COL19A1: variants seen among roughly 807,000 people sequenced by gnomAD.
COL19A1 encodes the protein collagen alpha-1(XIX) chain.
Under a neutral mutation model 190.2 loss-of-function variants are expected in COL19A1, and 159 were observed. The ratio of observed to expected loss-of-function variants is 0.84; its 90% CI spans 0.73 to 0.95. COL19A1 has a LOEUF of 0.95. Among genes scored for constraint, COL19A1 ranks in the 40% least tolerant of loss-of-function variants. COL19A1 has a pLI of 0.00. For missense variants in COL19A1, 1,418 were observed against 1,431.9 expected, an observed-to-expected ratio of 0.99 and a Z score of 0.16; for synonymous variants, 509 against 458.9, an observed-to-expected ratio of 1.11 and a Z score of -1.39.
At chr6:69,961,237 G>A (rs1189752916) in intron 10 of COL19A1, among the ~76,000 whole-genome samples, 1 of 152,108 alleles carries the variant, frequency 6.6e-6, no homozygotes, top group South Asian at 2.1e-4. Context: ...CTTTTAAAAA[G>A]ATATGCACTT....
intron 15 of COL19A1, among the ~76,000 whole-genome samples, chr6:70,097,242 T>G (rs940236302): frequency 6.6e-6 from 1 of 152,182 alleles, no homozygotes; most frequent in Non-Finnish European, 1.5e-5. Flanking sequence ...AAGCTATTTT[T>G]TATTGAGACA....
chr6:70,172,470 G>A (rs1230104170), intron 41 of COL19A1, among the ~76,000 whole-genome samples: 1 of 152,130 alleles, frequency 6.6e-6, no homozygotes. Context: ...GATGAGGTCA[G>A]AGAGGTGGGG....
At chr6:70,104,506 A>G (rs886628510) in intron 16 of COL19A1, among the ~76,000 whole-genome samples, 11 of 152,088 alleles carry the variant, frequency 7.2e-5, no homozygotes, top group Non-Finnish European at 1.0e-4. Context: ...TCTTGACCCA[A>G]TCACCTCCCA....
Position 69,961,171 on chromosome 6 carries a change from C to A in COL19A1, c.981+1131C>A, listed in dbSNP as rs116301476. On this transcript the variant is annotated intron_variant, in intron 10 of 50. Transcript: ENST00000620364. ...TCTGGAGATGTTTTACTGGTTTTGG[C>A]AACAACATGTCAGAAGTTACTATGC... is the stretch of plus-strand genomic sequence containing the variant. 2.6e-3 allele frequency among the ~76,000 whole-genome samples: 392 copies of A among 152,256 alleles called. 5 individuals are homozygous for A. Among genetic ancestry groups the A allele is most frequent in the African/African-American group, 8.8e-3 (367 of 41,542 alleles).
Position 69,962,808 on chromosome 6 carries a change from C to G in COL19A1, c.982-18C>G. 6.3e-7 allele frequency: 1 copy of G among 1,582,036 alleles called. No homozygotes were observed. Among genetic ancestry groups the G allele is most frequent in the Non-Finnish European group, 8.6e-7 (1 of 1,157,656 alleles). Reference sequence around the variant, plus strand: ...GTATCATTTTTATTACTATACACATCATATTCCTCTTCTACAGGGAGAGCA... The same window carrying G: ...GTATCATTTTTATTACTATACACATGATATTCCTCTTCTACAGGGAGAGCA... On this transcript the variant is annotated intron_variant, in intron 10 of 50. Transcript: ENST00000620364.
intron 2 of COL19A1, among the ~76,000 whole-genome samples, chr6:69,896,464 G>A (rs1014810916): frequency 6.7e-6 from 1 of 150,336 alleles, no homozygotes; most frequent in African/African-American, 2.5e-5. Context: ...GTGAACCCGG[G>A]AGGCGGAGCT....
intron 34 of COL19A1, among the ~76,000 whole-genome samples, chr6:70,157,727 T>C (rs1787528570): frequency 6.6e-6 from 1 of 152,148 alleles, no homozygotes; most frequent in Admixed American, 6.6e-5. Context: ...GTGCTTTTGC[T>C]TCCTCATGTT....
At chr6:69,958,007 C>T (rs1774531166) in intron 9 of COL19A1, among the ~76,000 whole-genome samples, 1 of 152,122 alleles carries the variant, frequency 6.6e-6, no homozygotes, top group African/African-American at 2.4e-5. Context: ...ATGCTGGCCA[C>T]AGGAAAACAC....
intron 4 of COL19A1, among the ~76,000 whole-genome samples, chr6:69,918,577 G>A (rs769570235): frequency 2.6e-5 from 4 of 152,032 alleles, no homozygotes; most frequent in Non-Finnish European, 4.4e-5. Context: ...ATGGCTGCAC[G>A]TGCCTATGGT....
At chr6:70,179,919 G>A (rs527784485) in intron 42 of COL19A1, among the ~76,000 whole-genome samples, 12 of 152,028 alleles carry the variant, frequency 7.9e-5, no homozygotes, top group Non-Finnish European at 1.2e-4. Context: ...GTCTCACTCC[G>A]TCACCCAGGC....
chr6:70,121,844 G>A (rs756170940), intron 16 of COL19A1, 36 bp from the exon 17 acceptor site: 3 of 1,267,468 alleles, frequency 2.4e-6, no homozygotes, highest in East Asian at 2.4e-5. Flanking sequence ...TTTGGTAAAT[G>A]TGTATATATT....
chr6:70,192,351 CTGATA>C (rs1415155397), intron 48 of COL19A1, among the ~76,000 whole-genome samples: 1 of 152,094 alleles, frequency 6.6e-6, no homozygotes, highest in Non-Finnish European at 1.5e-5. Flanking sequence ...TTATCTTGCT[CTGATA>C]TGACAGTTTA....
chr6:69,961,175 A>G (rs910233411), intron 10 of COL19A1, among the ~76,000 whole-genome samples: 1 of 152,190 alleles, frequency 6.6e-6, no homozygotes, highest in Non-Finnish European at 1.5e-5. Flanking sequence ...TTTTGGCAAC[A>G]ACATGTCAGA....
At chr6:70,122,360 T>C (rs577291868) in intron 17 of COL19A1, among the ~76,000 whole-genome samples, 7 of 152,130 alleles carry the variant, frequency 4.6e-5, no homozygotes, top group Non-Finnish European at 1.0e-4. Context: ...ATACTACAGT[T>C]CAAGAATGAG....
At chr6:69,878,705 T>C (rs1336749465) in intron 1 of COL19A1, among the ~76,000 whole-genome samples, 1 of 152,210 alleles carries the variant, frequency 6.6e-6, no homozygotes, top group Non-Finnish European at 1.5e-5. Context: ...TCTGATTCTA[T>C]ATACCCAAAA....
At position 70,161,849 on chromosome 6, in the gene COL19A1, C is replaced by T. The variant is rs756719471; in HGVS notation, c.2293-51C>T. 3 of 1,461,614 alleles carry T rather than the reference C, an allele frequency of 2.1e-6. No homozygotes were observed. The East Asian group carries it at 7.1e-5, about 34-fold the overall frequency. 90.5% of individuals were successfully genotyped at this position (1,461,614 alleles called of 1,614,324 possible). A position where few individuals can be genotyped will look rare whatever the true frequency, so the allele number is the denominator to read the frequency against. ...TCAAAATATTTGATTAACTAAAATG[C>T]CTTCTTCCCAATGATATAACAGATT... is the stretch of plus-strand genomic sequence containing the variant. On this transcript the variant is annotated intron_variant, in intron 34 of 50. Transcript: ENST00000620364.
chr6:69,945,045 C>T (rs1252103351), intron 9 of COL19A1, among the ~76,000 whole-genome samples: 1 of 151,806 alleles, frequency 6.6e-6, no homozygotes, highest in South Asian at 2.1e-4. Context: ...TTGTTAATAC[C>T]CTCACCCATT....
At chr6:70,178,767 A>G (rs1765976014) in intron 42 of COL19A1, among the ~76,000 whole-genome samples, 1 of 152,164 alleles carries the variant, frequency 6.6e-6, no homozygotes, top group Non-Finnish European at 1.5e-5. Context: ...TCTTCCTAGA[A>G]CGGACCGGTC....
intron 4 of COL19A1, among the ~76,000 whole-genome samples, chr6:69,907,875 G>A (rs1203183587): frequency 1.3e-5 from 2 of 152,152 alleles, no homozygotes; most frequent in Admixed American, 6.5e-5. Flanking sequence ...TAGGTTCTGA[G>A]CTTACATTGA....
Sources: gnomAD v4.1 joint callset for allele counts (sites outside exome capture counted in the v4.1 genomes callset) on GRCh38, gnomAD v4.1.1 for gene constraint, MANE v1.5 for transcripts, NCBI Gene and HGNC (gene_info 2026-07-23, HGNC 2026-07-21) for gene names.